PLEKHM3: variants seen among roughly 807,000 people sequenced by gnomAD.
PLEKHM3 encodes the protein pleckstrin homology domain-containing family M member 3.
A neutral mutation model predicts 81.8 loss-of-function variants in PLEKHM3; 45 were observed. That is an observed-to-expected ratio of 0.55 (90% CI 0.43 to 0.71). The LOEUF is 0.71. Among genes scored for constraint, PLEKHM3 ranks in the 30% least tolerant of loss-of-function variants. The pLI is 0.00. For synonymous variants in PLEKHM3, 352 were observed against 356.4 expected (o/e 0.99, Z 0.14); for missense variants, 788 against 924.3 (o/e 0.85, Z 1.91).
In PLEKHM3 at chr2:207,889,027, T is replaced by A. The variant is rs186988680; in HGVS notation, c.1950+19487A>T. Among the ~76,000 whole-genome samples, 10 of 152,326 alleles carry A rather than the reference T, an allele frequency of 6.6e-5. No homozygotes were observed. In the East Asian group the frequency reaches 1.9e-3, roughly 29 times the overall value. On this transcript the variant is annotated intron_variant, in intron 6 of 7. Coordinates refer to ENST00000427836, the MANE Select transcript of PLEKHM3 (RefSeq NM_001080475.3). ...ACACTCTACCTATAAATGGCCTCTA[T>A]GTTCTGGGGTAAATCAACTTTTTTG... is the stretch of plus-strand genomic sequence containing the variant.
chr2:207,822,756 G>C lies in PLEKHM3; in HGVS notation c.*5563C>G, dbSNP rs1559194078. The C allele has an allele frequency of 6.6e-6, 1 of 152,326 alleles. No individual in the cohort carries two copies. The highest frequency in any genetic ancestry group is 1.5e-5 in the Non-Finnish European group (1 of 68,152). 9.4% of individuals were successfully genotyped at this position (152,326 alleles called of 1,614,324 possible). Reference sequence around the variant, plus strand: ...GTAGCCAGCAGGGAAGAAGCAAAGGGATCCAGATTTAGTTGAAGGGTCCTG... The same window carrying C: ...GTAGCCAGCAGGGAAGAAGCAAAGGCATCCAGATTTAGTTGAAGGGTCCTG... On this transcript the variant is annotated 3_prime_UTR_variant, in exon 8 of 8. Coordinates refer to ENST00000427836, the MANE Select transcript of PLEKHM3 (RefSeq NM_001080475.3).
At chr2:207,864,325 T>C (rs2092484211) in intron 6 of PLEKHM3, among the ~76,000 whole-genome samples, 1 of 152,210 alleles carries the variant, frequency 6.6e-6, no homozygotes. Context: ...ACATGAGATA[T>C]ACTTTCTAAG....
At chr2:207,953,255 C>T (rs1222877486) in intron 3 of PLEKHM3, among the ~76,000 whole-genome samples, 1 of 152,182 alleles carries the variant, frequency 6.6e-6, no homozygotes, top group East Asian at 1.9e-4. Context: ...GCCTTTAAGT[C>T]CCTTCATAGT....
chr2:207,866,043 TCTC>T (rs372026078), intron 6 of PLEKHM3, among the ~76,000 whole-genome samples: 4 of 151,710 alleles, frequency 2.6e-5, no homozygotes, highest in African/African-American at 9.7e-5. Flanking sequence ...AATAAACTAA[TCTC>T]CTAGTTTTAT....
intron 5 of PLEKHM3, among the ~76,000 whole-genome samples, chr2:207,916,120 T>C (rs1274655027): frequency 6.6e-6 from 1 of 152,234 alleles, no homozygotes; most frequent in African/African-American, 2.4e-5. Flanking sequence ...ATCACTTCTC[T>C]AGGTACCTCA....
intron 4 of PLEKHM3, among the ~76,000 whole-genome samples, chr2:207,941,135 A>G (rs961518292): frequency 2.6e-5 from 4 of 152,160 alleles, no homozygotes; most frequent in Admixed American, 1.3e-4. Context: ...CACAATTTTC[A>G]TGTTTATTTT....
In PLEKHM3 at chr2:208,001,370, A is replaced by G. The variant is rs1692296359; in HGVS notation, c.270T>C (p.Pro90=). The change falls in exon 2 of 8, where the codon CCT becomes CCC. Residue 90 remains proline, a synonymous_variant. Transcript: ENST00000427836. Reference sequence around the variant, plus strand: ...TCTGGACCATAAACTGTTCTTTGGCAGGGAAGACATTTTGAGCTTTGGTTT... The same window carrying G: ...TCTGGACCATAAACTGTTCTTTGGCGGGGAAGACATTTTGAGCTTTGGTTT... The part of the protein sequence containing the change: ...LLETKAQNVF[P]AKEQFMVQRG... The G allele has an allele frequency of 6.2e-7, 1 of 1,614,126 alleles. No homozygotes were observed. Among genetic ancestry groups the G allele is most frequent in the African/African-American group, 1.3e-5 (1 of 74,938 alleles).
chr2:207,951,048 C>T (rs181924967), intron 3 of PLEKHM3, among the ~76,000 whole-genome samples: 18 of 152,240 alleles, frequency 1.2e-4, no homozygotes, highest in South Asian at 4.1e-4. Context: ...GAAGGAAACA[C>T]GAGTTTTTTC....
intron 7 of PLEKHM3, among the ~76,000 whole-genome samples, chr2:207,846,995 A>G (rs563459477): frequency 6.6e-6 from 1 of 152,350 alleles, no homozygotes; most frequent in South Asian, 2.1e-4. Flanking sequence ...GAGTTAAACG[A>G]TGAACAATTC....
chr2:207,859,697 A>C (rs2092456873), intron 7 of PLEKHM3, among the ~76,000 whole-genome samples: 1 of 151,788 alleles, frequency 6.6e-6, no homozygotes, highest in South Asian at 2.1e-4. Context: ...GCCTGGGTTC[A>C]AGTGATTCTC....
intron 4 of PLEKHM3, among the ~76,000 whole-genome samples, chr2:207,940,986 T>G (rs1689921621): frequency 6.6e-6 from 1 of 152,194 alleles, no homozygotes. Flanking sequence ...CTCCTTGAAG[T>G]AGGAGACAAG....
chr2:207,899,287 G>A (rs1359519628), intron 6 of PLEKHM3, among the ~76,000 whole-genome samples: 2 of 152,222 alleles, frequency 1.3e-5, no homozygotes, highest in Non-Finnish European at 2.9e-5. Flanking sequence ...AACTGTGGGT[G>A]TGGTGGGATG....
intron 6 of PLEKHM3, among the ~76,000 whole-genome samples, chr2:207,881,616 T>C (rs181960840): frequency 1.2e-4 from 19 of 152,358 alleles, no homozygotes; most frequent in Admixed American, 3.3e-4. Context: ...CATACTTTTA[T>C]AATCAAGAAA....
chr2:207,922,823 A>AC (rs1236043716), intron 5 of PLEKHM3, among the ~76,000 whole-genome samples: 5 of 152,206 alleles, frequency 3.3e-5, no homozygotes, highest in Admixed American at 6.5e-5. Flanking sequence ...AAAAAAAAAA[A>AC]AGAAGACCAT....
chr2:207,909,932 C>T (rs1016795917), intron 5 of PLEKHM3, among the ~76,000 whole-genome samples: 4 of 152,182 alleles, frequency 2.6e-5, no homozygotes, highest in African/African-American at 9.7e-5. Flanking sequence ...CATTGCATAT[C>T]AGACACTATT....
chr2:207,853,235 T>C (rs1215969130), intron 7 of PLEKHM3, among the ~76,000 whole-genome samples: 2 of 151,954 alleles, frequency 1.3e-5, no homozygotes, highest in African/African-American at 2.4e-5. Flanking sequence ...CTGACCAACA[T>C]GGTGAAACCC....
At chr2:208,011,524 T>A (rs1692691831) in intron 1 of PLEKHM3, among the ~76,000 whole-genome samples, 1 of 151,948 alleles carries the variant, frequency 6.6e-6, no homozygotes, top group Non-Finnish European at 1.5e-5. Context: ...AAACCAAACA[T>A]CGTATGTTCT....
intron 5 of PLEKHM3, among the ~76,000 whole-genome samples, chr2:207,924,735 T>C (rs931510074): frequency 1.3e-5 from 2 of 152,056 alleles, no homozygotes; most frequent in Admixed American, 6.6e-5. Context: ...CAAAACCAAG[T>C]GCCCTGAGAA....
At chr2:207,989,873 C>T (rs188126738) in intron 2 of PLEKHM3, among the ~76,000 whole-genome samples, 23 of 152,368 alleles carry the variant, frequency 1.5e-4, no homozygotes, top group African/African-American at 4.8e-4. Context: ...ACAAGCATCA[C>T]TGGATAGCCA....
Sources: gnomAD v4.1 joint callset for allele counts (sites outside exome capture counted in the v4.1 genomes callset) on GRCh38, gnomAD v4.1.1 for gene constraint, MANE v1.5 for transcripts, NCBI Gene and HGNC (gene_info 2026-07-23, HGNC 2026-07-21) for gene names.